Variants in TCF12 observed in about 807,000 individuals in gnomAD.
TCF12 encodes transcription factor 12.
Under a neutral mutation model 86.0 loss-of-function variants are expected in TCF12, and 45 were observed. The ratio of observed to expected loss-of-function variants is 0.52; its 90% CI spans 0.41 to 0.67. TCF12 has a LOEUF of 0.67. TCF12 is among the 30% of genes least tolerant of loss of function. The pLI is 0.00. For synonymous variants in TCF12, 330 were observed against 299.6 expected (o/e 1.10, Z -1.05); for missense variants, 881 against 859.9 (o/e 1.02, Z -0.31).
Position 56,952,187 on chromosome 15 carries a change from T to TAC in TCF12, c.148+31090_148+31091insCA, listed in dbSNP as rs766821041. 6.3e-4 allele frequency among the ~76,000 whole-genome samples: 27 copies of TAC among 42,616 alleles called. No individual in the cohort carries two copies. The East Asian group carries it at 0.024, about 38-fold the overall frequency. The allele number at this position is 42,616 out of a possible 152,430, so 28.0% of individuals were successfully genotyped here. The stretch of plus-strand genomic sequence containing the variant: ...TTTATAAAAAAGGCTTTTTTGTGTA[T>TAC]ATACACACACACACACACACAAATA... On this transcript the variant is annotated intron_variant, in intron 3 of 20. Coordinates refer to ENST00000333725, the MANE Select transcript of TCF12 (RefSeq NM_207037.2).
intron 3 of TCF12, among the ~76,000 whole-genome samples, chr15:56,984,443 T>C (rs968867074): frequency 1.3e-5 from 2 of 152,094 alleles, no homozygotes; most frequent in African/African-American, 4.8e-5. Context: ...ACAGCTGTGT[T>C]TAGCACGTAA....
chr15:57,224,666 CTG>C (rs1309294483), intron 8 of TCF12, among the ~76,000 whole-genome samples: 1 of 152,114 alleles, frequency 6.6e-6, no homozygotes, highest in Non-Finnish European at 1.5e-5. Context: ...AAACATGTCT[CTG>C]GAAGTTTTTG....
rs546105332 is a variant in TCF12, at chr15:57,107,091, T to G, written c.325+15200T>G. On this transcript the variant is annotated intron_variant, in intron 5 of 20. Coordinates refer to ENST00000333725, the MANE Select transcript of TCF12 (RefSeq NM_207037.2). ...AAGTCTACACAATGAAGTTGAAAAT[T>G]AATCCACACAGTAATATGCACATAG... 3.3e-5 allele frequency among the ~76,000 whole-genome samples: 5 copies of G among 152,350 alleles called. No homozygotes were observed. The East Asian group carries it at 9.6e-4, about 29-fold the overall frequency.
chr15:57,002,740 C>G (rs1241000142), intron 3 of TCF12, among the ~76,000 whole-genome samples: 3 of 152,206 alleles, frequency 2.0e-5, no homozygotes, highest in African/African-American at 7.2e-5. Flanking sequence ...TTCTCTGTCT[C>G]TATAAGGTTT....
Position 57,253,365 on chromosome 15 carries a change from A to G in TCF12, c.1364A>G (p.Asp455Gly). ...PSTSLPAGHSDIHSLLGPSHN... is the reference protein window; with the variant it reads ...PSTSLPAGHSGIHSLLGPSHN... ...ACCAGTTTGCCTGCTGGTCACAGTG[A>G]TATACATAGTTTATTGGGACCATCC... Residue 455 changes from aspartate (D) to glycine (G), a missense_variant, in exon 16 of 21, where the codon GAT becomes GGT. Around this residue, in one of 3 missense-constraint regions of TCF12, gnomAD observed 766 missense variants for 718.9 expected, o/e 1.07. Coordinates refer to ENST00000333725, the MANE Select transcript of TCF12 (RefSeq NM_207037.2). 2 of 1,614,062 alleles carry G rather than the reference A, an allele frequency of 1.2e-6. No individual in the cohort carries two copies. Among genetic ancestry groups the G allele is most frequent in the Non-Finnish European group, 1.7e-6 (2 of 1,179,986 alleles).
At chr15:57,188,640 C>A (rs2056813261) in intron 6 of TCF12, among the ~76,000 whole-genome samples, 1 of 152,106 alleles carries the variant, frequency 6.6e-6, no homozygotes, top group South Asian at 2.1e-4. Context: ...TAAACCTAAA[C>A]ATCTATGGCC....
intron 13 of TCF12, among the ~76,000 whole-genome samples, chr15:57,244,429 G>A (rs1300550470): frequency 1.3e-5 from 2 of 152,052 alleles, no homozygotes; most frequent in Non-Finnish European, 2.9e-5. Flanking sequence ...GAAGGTGGAT[G>A]AATATTGTTA....
At chr15:57,079,111 A>C (rs2070397189) in intron 4 of TCF12, among the ~76,000 whole-genome samples, 1 of 152,202 alleles carries the variant, frequency 6.6e-6, no homozygotes, top group South Asian at 2.1e-4. Flanking sequence ...TAAATGTCTG[A>C]ATTGAAGTGT....
At chr15:57,096,993 T>G (rs1206793433) in intron 5 of TCF12, among the ~76,000 whole-genome samples, 2 of 152,162 alleles carry the variant, frequency 1.3e-5, no homozygotes, top group African/African-American at 4.8e-5. Flanking sequence ...CTGGTAAAGC[T>G]TCTGTGTTTT....
At chr15:57,189,875 G>A (rs978112438) in intron 6 of TCF12, among the ~76,000 whole-genome samples, 15 of 152,332 alleles carry the variant, frequency 9.8e-5, no homozygotes, top group Admixed American at 3.9e-4. Flanking sequence ...TTGTGGTATA[G>A]CCATACTAAA....
intron 3 of TCF12, among the ~76,000 whole-genome samples, chr15:56,966,589 G>C (rs1802031147): frequency 6.6e-6 from 1 of 152,182 alleles, no homozygotes; most frequent in African/African-American, 2.4e-5. Flanking sequence ...TCTGGGTATA[G>C]TTGATTGATT....
chr15:57,109,325 G>A (rs1426962038), intron 5 of TCF12: 1 of 152,082 alleles, frequency 6.6e-6, no homozygotes, highest in Non-Finnish European at 1.5e-5. Flanking sequence ...AAGGTACTGA[G>A]ATCCTGTTTT....
intron 8 of TCF12, among the ~76,000 whole-genome samples, chr15:57,225,175 G>C (rs1283134103): frequency 7.5e-6 from 1 of 132,930 alleles, no homozygotes; most frequent in Non-Finnish European, 1.6e-5. Context: ...GAAGGCCTAA[G>C]TTTCAGAAAT....
chr15:57,169,072 A>T, intron 6 of TCF12, among the ~76,000 whole-genome samples: 1 of 152,202 alleles, frequency 6.6e-6, no homozygotes, highest in South Asian at 2.1e-4. Context: ...ATAAATAACC[A>T]AACTAAGTTA....
In TCF12 at chr15:57,237,146, A is replaced by AGTGTGT. The variant is rs202142819; in HGVS notation, c.1035+3040_1035+3041insTGTGTG. On this transcript the variant is annotated intron_variant, in intron 12 of 20. Transcript: ENST00000333725. ...CAGAGCAAGGGAAAAAGAGAGAGAG[A>AGTGTGT]GAGTGTGTGTGTGTGTGTGTGTGTG... Among the ~76,000 whole-genome samples, 1,151 of 150,350 alleles carry AGTGTGT rather than the reference A, an allele frequency of 7.7e-3. 12 individuals are homozygous for AGTGTGT. The highest frequency in any genetic ancestry group is 0.027 in the South Asian group (126 of 4,702).
intron 4 of TCF12, among the ~76,000 whole-genome samples, chr15:57,065,982 C>G (rs1282041179): frequency 6.6e-6 from 1 of 152,042 alleles, no homozygotes; most frequent in East Asian, 1.9e-4. Context: ...CCATTGAAAT[C>G]CACTCTTTCA....
intron 5 of TCF12, among the ~76,000 whole-genome samples, chr15:57,119,400 C>T (rs913374232): frequency 1.3e-5 from 2 of 150,594 alleles, no homozygotes; most frequent in Non-Finnish European, 3.0e-5. Flanking sequence ...CAATCCTCTC[C>T]GCTCAGCCTT....
chr15:56,942,871 G>C (rs1287847006), intron 3 of TCF12, among the ~76,000 whole-genome samples: 1 of 152,118 alleles, frequency 6.6e-6, no homozygotes, highest in Non-Finnish European at 1.5e-5. Context: ...TCTATTTGCA[G>C]TGGCTTTCAC....
At chr15:57,192,359 G>T in intron 7 of TCF12, 66 bp downstream of exon 7, 6 of 1,523,570 alleles carry the variant, frequency 3.9e-6, no homozygotes, top group South Asian at 2.5e-5. Context: ...CCCATAATCT[G>T]TACTTCTGGC....
Sources: allele counts gnomAD v4.1 joint callset (sites outside exome capture counted in the v4.1 genomes callset), GRCh38; gene constraint gnomAD v4.1.1; regional missense constraint gnomAD v4.1.1; transcripts MANE v1.5; gene names NCBI Gene and HGNC (gene_info 2026-07-23, HGNC 2026-07-21).